The following VPS41 variants were observed in gnomAD, a reference collection of about 807,000 sequenced individuals.
The protein encoded by VPS41 is vacuolar protein sorting-associated protein 41 homolog.
In VPS41, 85 loss-of-function variants were observed where a neutral mutation model predicts 130.9. The ratio of observed to expected loss-of-function variants is 0.65; its 90% CI spans 0.55 to 0.78. The LOEUF is 0.78. Among genes scored for constraint, VPS41 ranks in the 30% least tolerant of loss-of-function variants. The pLI, the probability that VPS41 is intolerant of heterozygous loss-of-function variation, is 0.00. For synonymous variants in VPS41, 335 were observed against 332.9 expected (o/e 1.01, Z -0.07); for missense variants, 874 against 1,018.7 (o/e 0.86, Z 1.93).
intron 7 of VPS41, among the ~76,000 whole-genome samples, chr7:38,801,043 T>C (rs1334038348): frequency 6.6e-6 from 1 of 152,254 alleles, no homozygotes; most frequent in African/African-American, 2.4e-5. Flanking sequence ...CTGTTATACT[T>C]GGTGTGCTCC....
chr7:38,885,924 T>C (rs1456261224), intron 2 of VPS41, among the ~76,000 whole-genome samples: 2 of 151,562 alleles, frequency 1.3e-5, no homozygotes, highest in Non-Finnish European at 2.9e-5. Flanking sequence ...TCAATAACAG[T>C]GTGGAGATGA....
chr7:38,769,969 A>G (rs575236986), intron 14 of VPS41, among the ~76,000 whole-genome samples: 18 of 152,206 alleles, frequency 1.2e-4, no homozygotes, highest in African/African-American at 3.4e-4. Flanking sequence ...TTTGCTACCT[A>G]TGTAGTAAAC....
At chr7:38,826,439 G>T (rs555527941) in intron 5 of VPS41, among the ~76,000 whole-genome samples, 3 of 152,168 alleles carry the variant, frequency 2.0e-5, no homozygotes, top group African/African-American at 7.2e-5. Context: ...AGAAACCAAA[G>T]AAAAAACTAG....
intron 17 of VPS41, among the ~76,000 whole-genome samples, chr7:38,760,969 A>G (rs1445597109): frequency 1.3e-5 from 2 of 152,178 alleles, no homozygotes; most frequent in Non-Finnish European, 2.9e-5. Flanking sequence ...TAGCCCCTGG[A>G]AGGATGGCAA....
intron 25 of VPS41, among the ~76,000 whole-genome samples, chr7:38,739,752 G>A (rs1029372433): frequency 2.0e-5 from 3 of 152,218 alleles, no homozygotes; most frequent in Admixed American, 1.3e-4. Context: ...GCCACCCCTT[G>A]GTTGGGGGAT....
intron 27 of VPS41, among the ~76,000 whole-genome samples, chr7:38,727,967 A>T (rs1426730085): frequency 6.6e-6 from 1 of 152,218 alleles, no homozygotes; most frequent in African/African-American, 2.4e-5. Flanking sequence ...AAAGACTCAC[A>T]GTTCCAATTA....
chr7:38,784,375 C>T (rs1171966127), intron 10 of VPS41, among the ~76,000 whole-genome samples: 1 of 152,136 alleles, frequency 6.6e-6, no homozygotes, highest in African/African-American at 2.4e-5. Context: ...TGGTGGCTCA[C>T]GCCTGTAATC....
chr7:38,738,223 A>C (rs1795810678), intron 25 of VPS41, among the ~76,000 whole-genome samples: 1 of 152,200 alleles, frequency 6.6e-6, no homozygotes, highest in Non-Finnish European at 1.5e-5. Flanking sequence ...CCCCACTCTA[A>C]TTAGCAGATT....
At chr7:38,811,628 T>C (rs1784944906) in intron 7 of VPS41, among the ~76,000 whole-genome samples, 1 of 146,622 alleles carries the variant, frequency 6.8e-6, no homozygotes, top group Non-Finnish European at 1.5e-5. Flanking sequence ...CACCCCTCCA[T>C]ATATACAGAT....
At position 38,889,847 on chromosome 7, in the gene VPS41, CAAA is replaced by C. The variant is rs568721804; in HGVS notation, c.60+8241_60+8243del. ...TTAAATGACATTTGATAGTTGAAGC[CAAA>C]AAATACAATACCAACTGATGTGGTG... On this transcript the variant is annotated intron_variant, in intron 2 of 28. Coordinates refer to ENST00000310301, the MANE Select transcript of VPS41 (RefSeq NM_014396.4). Among the ~76,000 whole-genome samples, 15 of 151,890 alleles carry C rather than the reference CAAA, an allele frequency of 9.9e-5. No homozygotes were observed. In the East Asian group the frequency reaches 2.9e-3, roughly 29 times the overall value.
chr7:38,797,297 CTA>C (rs1387737184), intron 7 of VPS41, among the ~76,000 whole-genome samples: 5 of 152,244 alleles, frequency 3.3e-5, no homozygotes, highest in South Asian at 4.1e-4. Flanking sequence ...TAGAAACAGT[CTA>C]TGTTTTTCAT....
At chr7:38,729,766 G>C (rs1281450335) in intron 25 of VPS41, among the ~76,000 whole-genome samples, 1 of 152,112 alleles carries the variant, frequency 6.6e-6, no homozygotes, top group Admixed American at 6.5e-5. Flanking sequence ...CTGCTTTTAG[G>C]TGGGGACACA....
intron 2 of VPS41, among the ~76,000 whole-genome samples, chr7:38,896,419 T>G (rs1786993447): frequency 6.6e-6 from 1 of 152,232 alleles, no homozygotes. Context: ...AAACCATGAC[T>G]ACACAATGAC....
chr7:38,838,051 A>G (rs1000716635), intron 4 of VPS41, among the ~76,000 whole-genome samples: 3 of 152,196 alleles, frequency 2.0e-5, no homozygotes, highest in Non-Finnish European at 2.9e-5. Context: ...TTCCATTTCC[A>G]TAACAGTTCC....
In VPS41 at chr7:38,889,562, A is replaced by C. The variant is rs1351093828; in HGVS notation, c.60+8529T>G. Among the ~76,000 whole-genome samples, 11 of 119,692 alleles carry C rather than the reference A, an allele frequency of 9.2e-5. 1 individual carries two copies. In the East Asian group the frequency reaches 2.2e-3, roughly 24 times the overall value. 78.5% of individuals were successfully genotyped at this position (119,692 alleles called of 152,430 possible). On this transcript the variant is annotated intron_variant, in intron 2 of 28. Coordinates refer to ENST00000310301, the MANE Select transcript of VPS41 (RefSeq NM_014396.4). ...AAAAAAACAAAACAAAACAAAACAAAAAAAAAAAAAAACCTTAAAACTGAA... is the reference window on the plus strand; with the variant it reads ...AAAAAAACAAAACAAAACAAAACAACAAAAAAAAAAAACCTTAAAACTGAA...
At chr7:38,877,731 A>G (rs1213943432) in intron 2 of VPS41, among the ~76,000 whole-genome samples, 1 of 152,224 alleles carries the variant, frequency 6.6e-6, no homozygotes, top group Non-Finnish European at 1.5e-5. Context: ...TCACTATAGC[A>G]GTAAGCATTA....
intron 3 of VPS41, among the ~76,000 whole-genome samples, chr7:38,867,010 A>G (rs1055224422): frequency 3.9e-5 from 6 of 152,256 alleles, no homozygotes; most frequent in African/African-American, 1.4e-4. Flanking sequence ...TACATGCTAC[A>G]TCATGAATGA....
chr7:38,729,016 C>T (rs553035414), intron 25 of VPS41, among the ~76,000 whole-genome samples: 54 of 152,276 alleles, frequency 3.5e-4, no homozygotes, highest in Non-Finnish European at 6.5e-4. Flanking sequence ...ATCATTTCTT[C>T]CAACCATACA....
chr7:38,855,596 G>A (rs1785965745), intron 4 of VPS41, among the ~76,000 whole-genome samples: 1 of 152,112 alleles, frequency 6.6e-6, no homozygotes. Context: ...GCCCTAATAA[G>A]AATGTTTCGC....
Sources: allele counts gnomAD v4.1 joint callset (sites outside exome capture counted in the v4.1 genomes callset), GRCh38; gene constraint gnomAD v4.1.1; transcripts MANE v1.5; gene names NCBI Gene and HGNC (gene_info 2026-07-23, HGNC 2026-07-21).